CCDC7: variants seen among roughly 807,000 people sequenced by gnomAD.
CCDC7 encodes coiled-coil domain containing 7, also known as coiled-coil domain-containing protein 7.
A neutral mutation model predicts 196.9 loss-of-function variants in CCDC7; 183 were observed. The observed-to-expected ratio is 0.93, with a 90% confidence interval of 0.82 to 1.05. CCDC7 has a LOEUF of 1.05. Among genes scored for constraint, CCDC7 ranks in the 50% least tolerant of loss-of-function variants. The pLI is 0.00. For missense variants in CCDC7, 1,540 were observed against 1,482.2 expected (o/e 1.04, Z -0.64); for synonymous variants, 525 against 484.6 (o/e 1.08, Z -1.10).
chr10:32,784,611 C>T (rs2081539985), intron 29 of CCDC7, among the ~76,000 whole-genome samples: 1 of 152,092 alleles, frequency 6.6e-6, no homozygotes, highest in South Asian at 2.1e-4. Flanking sequence ...CTCGCTCTGT[C>T]GCCAGGCTGG....
chr10:32,739,110 G>A (rs957334797), intron 28 of CCDC7, among the ~76,000 whole-genome samples: 4 of 151,844 alleles, frequency 2.6e-5, no homozygotes, highest in Non-Finnish European at 2.9e-5. Flanking sequence ...ATATGATTAG[G>A]TCTAGACATT....
chr10:32,670,785 A>G (rs1225752836), intron 21 of CCDC7, among the ~76,000 whole-genome samples: 3 of 150,912 alleles, frequency 2.0e-5, no homozygotes, highest in African/African-American at 4.9e-5. Context: ...TCTCCCTTCT[A>G]TTGTTTTTCT....
chr10:32,544,239 T>C lies in CCDC7; in HGVS notation c.1080-8T>C, dbSNP rs1199698920. 1 of 1,599,118 alleles carries C rather than the reference T, an allele frequency of 6.3e-7. No individual in the cohort carries two copies. Among genetic ancestry groups the C allele is most frequent in the African/African-American group, 1.3e-5 (1 of 74,516 alleles). ...TCATGATGCATTTTAAAACATTTTATGTTACAGGAAGATGTCTCCAGAAAA... is the reference window on the plus strand; with the variant it reads ...TCATGATGCATTTTAAAACATTTTACGTTACAGGAAGATGTCTCCAGAAAA... On this transcript the variant is annotated splice_polypyrimidine_tract_variant and splice_region_variant and intron_variant, in intron 12 of 41. Transcript: ENST00000639629.
intron 41 of CCDC7, among the ~76,000 whole-genome samples, chr10:32,862,335 A>G (rs976277501): frequency 2.1e-5 from 3 of 145,618 alleles, no homozygotes; most frequent in Admixed American, 7.1e-5. Flanking sequence ...CAAACACTGC[A>G]TGTTCTCACT....
At chr10:32,555,515 A>G (rs2054212072) in intron 13 of CCDC7, among the ~76,000 whole-genome samples, 1 of 152,146 alleles carries the variant, frequency 6.6e-6, no homozygotes, top group African/African-American at 2.4e-5. Flanking sequence ...AAGTGCTGGT[A>G]TTACAGGTGT....
At chr10:32,695,317 G>T (rs954576175) in intron 24 of CCDC7, among the ~76,000 whole-genome samples, 13 of 152,186 alleles carry the variant, frequency 8.5e-5, no homozygotes, top group African/African-American at 2.9e-4. Flanking sequence ...GGGACATGTG[G>T]CAGTATCCTT....
chr10:32,610,867 G>C (rs986219364), intron 18 of CCDC7, among the ~76,000 whole-genome samples: 13 of 152,156 alleles, frequency 8.5e-5, no homozygotes, highest in Admixed American at 7.2e-4. Flanking sequence ...ATTGTGAATA[G>C]TGCCACAATA....
chr10:32,597,434 A>C (rs1402633897), intron 18 of CCDC7, among the ~76,000 whole-genome samples: 1 of 151,880 alleles, frequency 6.6e-6, no homozygotes, highest in Non-Finnish European at 1.5e-5. Flanking sequence ...CTCTTTTTTC[A>C]AGGTTTTTAG....
At position 32,633,730 on chromosome 10, in the gene CCDC7, GTATATATA is replaced by G. The variant is rs1209853817; in HGVS notation, c.1802-522_1802-515del. Among the ~76,000 whole-genome samples the G allele has an allele frequency of 6.1e-5, 6 of 97,902 alleles. No individual in the cohort carries two copies. In the East Asian group the frequency reaches 7.2e-4, roughly 12 times the overall value. The allele number at this position is 97,902 out of a possible 152,430, so 64.2% of individuals were successfully genotyped here. On this transcript the variant is annotated intron_variant, in intron 18 of 41. Transcript: ENST00000639629. ...TGTGTGTGTGTGTGTGTGTGTGTGTGTATATATATGTGTGTGTGTGTGTATATATATAT... is the reference window on the plus strand; with the variant it reads ...TGTGTGTGTGTGTGTGTGTGTGTGTGTGTGTGTGTGTGTGTATATATATAT...
chr10:32,634,335 A>G (rs2065291915), exon 19 of CCDC7: 1 of 1,186,128 alleles, frequency 8.4e-7, no homozygotes, highest in East Asian at 3.2e-5. Flanking sequence ...CAAATGAAAC[A>G]AAGAACTTCT....
In CCDC7 at chr10:32,846,383, TAAAG is replaced by T; in HGVS notation, c.3615_3618del (p.Lys1205AsnfsTer3). On this transcript the variant is annotated frameshift_variant, in exon 37 of 42. Transcript: ENST00000639629. LOFTEE classifies it high-confidence loss of function. ...ATCTGTTTAATTCTATAGAGACTGA[TAAAG>T]AACTCTTAAAAGATGCTATTGGAAG... 4 of 1,563,892 alleles carry T rather than the reference TAAAG, an allele frequency of 2.6e-6. No individual in the cohort carries two copies. Among genetic ancestry groups the T allele is most frequent in the Non-Finnish European group, 3.5e-6 (4 of 1,137,030 alleles).
chr10:32,462,773 G>T, intron 4 of CCDC7, 70 bp downstream of exon 5: 7 of 1,377,914 alleles, frequency 5.1e-6, no homozygotes, highest in Non-Finnish European at 5.9e-6. Flanking sequence ...TGAAGAAGAG[G>T]TTTCTAAATT....
At chr10:32,744,804 G>A (rs2074436541) in intron 28 of CCDC7, among the ~76,000 whole-genome samples, 1 of 152,194 alleles carries the variant, frequency 6.6e-6, no homozygotes, top group African/African-American at 2.4e-5. Flanking sequence ...TTACAGAGCA[G>A]AAGTTGTTGA....
Position 32,882,304 on chromosome 10 carries a change from A to G in CCDC7, c.*2358-389A>G, listed in dbSNP as rs1204093411. ...GATTCTTCTTAGAGGCAGATTAAGG[A>G]CTTAGACATTAACGGCGAGGGGTGA... is the stretch of plus-strand genomic sequence containing the variant. On this transcript the variant is annotated intron_variant and NMD_transcript_variant, in intron 22 of 22. Coordinates refer to the CCDC7 transcript ENST00000375025. Among the ~76,000 whole-genome samples the G allele has an allele frequency of 2.0e-5, 3 of 152,130 alleles. No individual in the cohort carries two copies. In the East Asian group the frequency reaches 5.8e-4, roughly 29 times the overall value.
At chr10:32,820,836 A>G (rs897147897) in intron 31 of CCDC7, among the ~76,000 whole-genome samples, 1 of 152,258 alleles carries the variant, frequency 6.6e-6, no homozygotes, top group Non-Finnish European at 1.5e-5. Flanking sequence ...TAAAGACTTA[A>G]ATGTTAGACC....
intron 29 of CCDC7, among the ~76,000 whole-genome samples, chr10:32,789,520 C>A (rs542599802): frequency 6.8e-6 from 1 of 148,146 alleles, no homozygotes; most frequent in Non-Finnish European, 1.5e-5. Flanking sequence ...GAACACAGAT[C>A]ATTTGAAATT....
intron 18 of CCDC7, among the ~76,000 whole-genome samples, chr10:32,620,169 C>A (rs566348962): frequency 6.6e-6 from 1 of 151,994 alleles, no homozygotes; most frequent in African/African-American, 2.4e-5. Flanking sequence ...ATGATCCACC[C>A]GTCTTGACCT....
At chr10:32,601,824 C>T (rs186288004) in intron 18 of CCDC7, among the ~76,000 whole-genome samples, 9 of 152,034 alleles carry the variant, frequency 5.9e-5, no homozygotes, top group African/African-American at 1.9e-4. Context: ...CACCAATCAG[C>T]GCTCTGTGTG....
chr10:32,645,150 A>G (rs182703546), intron 20 of CCDC7, among the ~76,000 whole-genome samples: 1 of 152,388 alleles, frequency 6.6e-6, no homozygotes, highest in Non-Finnish European at 1.5e-5. Flanking sequence ...ATAGTGAGAT[A>G]TCACTTTATC....
Sources: allele counts gnomAD v4.1 joint callset (sites outside exome capture counted in the v4.1 genomes callset), GRCh38; gene constraint gnomAD v4.1.1; transcripts MANE v1.5; gene names NCBI Gene and HGNC (gene_info 2026-07-23, HGNC 2026-07-21).